Variants in CACNA1S observed in about 807,000 individuals in gnomAD.
CACNA1S encodes the protein calcium voltage-gated channel subunit alpha1 S, also known as voltage-dependent L-type calcium channel subunit alpha-1S.
In CACNA1S, 126 loss-of-function variants were observed where a neutral mutation model predicts 207.4. That is an observed-to-expected ratio of 0.61 (90% CI 0.53 to 0.70). The LOEUF is 0.70. Among genes scored for constraint, CACNA1S ranks in the 30% least tolerant of loss-of-function variants. The pLI is 0.00. For missense variants in CACNA1S, 2,349 were observed against 2,422.8 expected (o/e 0.97, Z 0.64); for synonymous variants, 960 against 932.7 (o/e 1.03, Z -0.53).
At chr1:201,068,459 T>C (rs1347696058) in intron 19 of CACNA1S, among the ~76,000 whole-genome samples, 1 of 150,306 alleles carries the variant, frequency 6.7e-6, no homozygotes. Flanking sequence ...GCCAGGCTGG[T>C]CTGAAACTCT....
intron 38 of CACNA1S, 96 bp downstream of exon 38, chr1:201,047,019 C>G (rs558957378): frequency 6.6e-7 from 1 of 1,506,296 alleles, no homozygotes; most frequent in East Asian, 2.3e-5. Flanking sequence ...CTCTATGTCT[C>G]CATCATTGGC....
At chr1:201,101,861 C>T (rs1014131748) in intron 2 of CACNA1S, among the ~76,000 whole-genome samples, 4 of 152,090 alleles carry the variant, frequency 2.6e-5, no homozygotes, top group African/African-American at 9.6e-5. Context: ...GTAAGCTACT[C>T]TTTGCAACAT....
chr1:201,092,371 T>C (rs1662267795), intron 3 of CACNA1S, among the ~76,000 whole-genome samples: 2 of 152,296 alleles, frequency 1.3e-5, no homozygotes, highest in South Asian at 4.1e-4. Flanking sequence ...CTTTGGGTGC[T>C]GAACGGGGGT....
At chr1:201,098,487 T>A (rs1296858938) in intron 2 of CACNA1S, among the ~76,000 whole-genome samples, 1 of 152,138 alleles carries the variant, frequency 6.6e-6, no homozygotes, top group Non-Finnish European at 1.5e-5. Flanking sequence ...GGACCATGTA[T>A]CAGGCCATGA....
At chr1:201,048,226 G>C (rs972632192) in intron 36 of CACNA1S, among the ~76,000 whole-genome samples, 1 of 152,198 alleles carries the variant, frequency 6.6e-6, no homozygotes, top group Non-Finnish European at 1.5e-5. Context: ...TAGTGGAGTC[G>C]AATGTGGACT....
chr1:201,091,685 G>T lies in CACNA1S; in HGVS notation c.649C>A (p.Leu217Ile), dbSNP rs1379035128. Residue 217 changes from leucine to isoleucine, a missense_variant, in exon 5 of 44, where the codon CTC becomes ATC. By Grantham distance (5) the Leu-to-Ile change is conservative. Coordinates refer to ENST00000362061, the MANE Select transcript of CACNA1S (RefSeq NM_000069.3). Reference sequence around the variant, plus strand: ...GTCTTGTGCATCTTGCCCTTGAAGAGCTCCAGCCCGATGATGGCATAGATG... The same window carrying T: ...GTCTTGTGCATCTTGCCCTTGAAGATCTCCAGCCCGATGATGGCATAGATG... ...VIIYAIIGLE[L>I]FKGKMHKTCY... 1 of 1,614,248 alleles carries T rather than the reference G, an allele frequency of 6.2e-7. No homozygotes were observed. Among genetic ancestry groups the T allele is most frequent in the Admixed American group, 1.7e-5 (1 of 60,028 alleles).
rs776223737 is a variant in CACNA1S at position 201,060,819 on chromosome 1, G to A, written c.3256-3C>T. On this transcript the variant is annotated splice_region_variant and splice_polypyrimidine_tract_variant and intron_variant, in intron 25 of 43. Transcript: ENST00000362061. ...AGGGCATACTGTACACATTGGCGCT[G>A]TGACACATACAACAGGACAGGTCAG... 1 of 1,614,170 alleles carries A rather than the reference G, an allele frequency of 6.2e-7. No individual in the cohort carries two copies. Among genetic ancestry groups the A allele is most frequent in the East Asian group, 2.2e-5 (1 of 44,888 alleles).
chr1:201,063,932 A>T (rs1661153164), intron 22 of CACNA1S, among the ~76,000 whole-genome samples: 1 of 152,266 alleles, frequency 6.6e-6, no homozygotes, highest in Non-Finnish European at 1.5e-5. Flanking sequence ...TGTGGAATGC[A>T]CGTGGTGTTT....
chr1:201,075,211 C>T (rs1181930527), intron 13 of CACNA1S, among the ~76,000 whole-genome samples: 1 of 152,350 alleles, frequency 6.6e-6, no homozygotes, highest in East Asian at 1.9e-4. Flanking sequence ...AAAGCTCTGT[C>T]CTTCCTCCCC....
At chr1:201,063,355 T>C (rs1161759066) in intron 22 of CACNA1S, among the ~76,000 whole-genome samples, 10 of 149,262 alleles carry the variant, frequency 6.7e-5, no homozygotes, top group African/African-American at 2.5e-4. Flanking sequence ...AGTGGTGTGA[T>C]CTCGGCTCAC....
At chr1:201,084,784 C>T (rs745942409) in intron 9 of CACNA1S, among the ~76,000 whole-genome samples, 166 bp downstream of exon 9, 18 of 152,266 alleles carry the variant, frequency 1.2e-4, no homozygotes, top group African/African-American at 1.2e-4. Flanking sequence ...CTGGTCCCTG[C>T]GGAGTCCCTC....
intron 16 of CACNA1S, among the ~76,000 whole-genome samples, chr1:201,071,461 T>G (rs1661434169): frequency 6.6e-6 from 1 of 152,224 alleles, no homozygotes; most frequent in South Asian, 2.1e-4. Flanking sequence ...ATTTGCATCT[T>G]TCCCCCGCCT....
rs1386123321 is a variant in CACNA1S at position 201,039,558 on chromosome 1, G to A, written c.*273C>T. ...AGATTTTAATGTCCTGCAGGTGGGA[G>A]TGGCCCTAGGCCAGACAGGCACTGA... On this transcript the variant is annotated 3_prime_UTR_variant, in exon 44 of 44. Coordinates refer to ENST00000362061, the MANE Select transcript of CACNA1S (RefSeq NM_000069.3). 3 of 549,498 alleles carry A rather than the reference G, an allele frequency of 5.5e-6. No homozygotes were observed. Among genetic ancestry groups the A allele is most frequent in the South Asian group, 2.1e-5 (1 of 47,864 alleles). The allele number at this position is 549,498 out of a possible 1,614,324, so 34.0% of individuals were successfully genotyped here.
chr1:201,108,846 G>C (rs1662994438), intron 2 of CACNA1S, among the ~76,000 whole-genome samples: 1 of 152,288 alleles, frequency 6.6e-6, no homozygotes, highest in African/African-American at 2.4e-5. Context: ...TTGAAAAGGT[G>C]GTTCCATTGT....
In CACNA1S at chr1:201,074,463, C is replaced by A. The variant is rs114398687; in HGVS notation, c.2063+43G>T. ...GTCCAGAGCTGGAAGGCCATGGCCACGACTGAGCACTCCAGGTCCCTTCCT... is the reference window on the plus strand; with the variant it reads ...GTCCAGAGCTGGAAGGCCATGGCCAAGACTGAGCACTCCAGGTCCCTTCCT... On this transcript the variant is annotated intron_variant, in intron 14 of 43. Coordinates refer to ENST00000362061, the MANE Select transcript of CACNA1S (RefSeq NM_000069.3). The A allele has an allele frequency of 2.3e-6, 3 of 1,290,842 alleles. No homozygotes were observed. In the East Asian group the frequency reaches 7.0e-5, roughly 30 times the overall value. 80.0% of individuals were successfully genotyped at this position (1,290,842 alleles called of 1,614,324 possible). A position where few individuals can be genotyped will look rare whatever the true frequency, so the allele number is the denominator to read the frequency against.
Position 201,040,215 on chromosome 1 carries a change from C to G in CACNA1S, c.5370+16G>C, listed in dbSNP as rs375765283. 101 of 1,612,856 alleles carry G rather than the reference C, an allele frequency of 6.3e-5. No individual in the cohort carries two copies. Among genetic ancestry groups the G allele is most frequent in the Middle Eastern group, 1.9e-4 (1 of 5,254 alleles). On this transcript the variant is annotated intron_variant, in intron 43 of 43. Coordinates refer to ENST00000362061, the MANE Select transcript of CACNA1S (RefSeq NM_000069.3). Reference sequence around the variant, plus strand: ...CACTCAATGCAGCCACTGCTGTGACCCAGCCCCTGGCTCACCTTTTGGATC... The same window carrying G: ...CACTCAATGCAGCCACTGCTGTGACGCAGCCCCTGGCTCACCTTTTGGATC...
chr1:201,092,224 G>A, intron 3 of CACNA1S, 110 bp from the exon 4 acceptor site: 2 of 1,146,458 alleles, frequency 1.7e-6, no homozygotes, highest in Non-Finnish European at 2.6e-6. Context: ...GAAAGGCCTA[G>A]GGGAGAGACG....
Position 201,066,776 on chromosome 1 carries a change from A to T in CACNA1S, c.2657+111T>A, listed in dbSNP as rs1486057372. ...CTGCCTCCATCGGAGGCCCCGAGAG[A>T]CCCTCCTCTTGTGGCAGGGGCCCAC... is the stretch of plus-strand genomic sequence containing the variant. On this transcript the variant is annotated intron_variant, in intron 20 of 43. Coordinates refer to ENST00000362061, the MANE Select transcript of CACNA1S (RefSeq NM_000069.3). This position sits in a 1 kb window ranked among gnomAD's most constrained non-coding sequence, Gnocchi z 4.3. 1 of 808,184 alleles carries T rather than the reference A, an allele frequency of 1.2e-6. No homozygotes were observed. The highest frequency in any genetic ancestry group is 2.1e-6 in the Non-Finnish European group (1 of 468,172). The allele number at this position is 808,184 out of a possible 1,614,324, so 50.1% of individuals were successfully genotyped here.
rs570832569 is a variant in CACNA1S, at chr1:201,064,315, C to T, written c.2853+1523G>A. On this transcript the variant is annotated intron_variant, in intron 22 of 43. Transcript: ENST00000362061. ...GTTGGGCCAGGGGGAGAAGGCTGCA[C>T]GCAGCTGGCAGAGTGGCCAGACACA... Among the ~76,000 whole-genome samples, 6 of 152,302 alleles carry T rather than the reference C, an allele frequency of 3.9e-5. No homozygotes were observed. The East Asian group carries it at 5.8e-4, about 15-fold the overall frequency.
Sources: allele counts gnomAD v4.1 joint callset (sites outside exome capture counted in the v4.1 genomes callset), GRCh38; gene constraint gnomAD v4.1.1; non-coding constraint Gnocchi (gnomAD v3.1); transcripts MANE v1.5; gene names NCBI Gene and HGNC (gene_info 2026-07-23, HGNC 2026-07-21).